Variants in PTPRT observed in about 807,000 individuals in gnomAD.
PTPRT encodes the protein protein tyrosine phosphatase receptor type T, also known as receptor-type tyrosine-protein phosphatase T.
In PTPRT, 56 loss-of-function variants were observed where a neutral mutation model predicts 176.8. The observed-to-expected ratio is 0.32, with a 90% CI of 0.26 to 0.40. PTPRT has a LOEUF of 0.40. Ranked by LOEUF, PTPRT falls within the 10% of genes least tolerant of loss-of-function variation. The pLI, the probability that PTPRT is intolerant of heterozygous loss-of-function variation, is 1.00. For missense variants in PTPRT, 1,540 were observed against 1,908.2 expected, an observed-to-expected ratio of 0.81 and a Z score of 3.60; for synonymous variants, 783 against 739.0, an observed-to-expected ratio of 1.06 and a Z score of -0.96.
At chr20:42,437,420 T>C (rs1422647888) in intron 9 of PTPRT, among the ~76,000 whole-genome samples, 1 of 152,196 alleles carries the variant, frequency 6.6e-6, no homozygotes. Context: ...AAGGTCAATC[T>C]TAAATTTACT....
At chr20:42,267,488 A>G (rs1427444320) in intron 13 of PTPRT, among the ~76,000 whole-genome samples, 1 of 152,206 alleles carries the variant, frequency 6.6e-6, no homozygotes, top group African/African-American at 2.4e-5. Context: ...ACTCTAAGAA[A>G]TTTAAAATTA....
At chr20:42,753,863 A>G (rs73907259) in intron 6 of PTPRT, among the ~76,000 whole-genome samples, 3,847 of 152,304 alleles carry the variant, frequency 0.025, 175 homozygotes, top group African/African-American at 0.086. Context: ...CATATAAGCA[A>G]ATAATAAACC....
chr20:42,150,347 T>C (rs1196325904), intron 17 of PTPRT, among the ~76,000 whole-genome samples: 3 of 152,146 alleles, frequency 2.0e-5, no homozygotes, highest in African/African-American at 2.4e-5. Context: ...CTGGAGATAA[T>C]TGGATATGTT....
intron 16 of PTPRT, among the ~76,000 whole-genome samples, chr20:42,192,260 T>C (rs1433909471): frequency 6.6e-6 from 1 of 152,126 alleles, no homozygotes; most frequent in Non-Finnish European, 1.5e-5. Flanking sequence ...CAGCTGGCCA[T>C]TTTCCTGAAA....
intron 7 of PTPRT, among the ~76,000 whole-genome samples, chr20:42,559,294 G>T (rs914839001): frequency 6.6e-6 from 1 of 151,938 alleles, no homozygotes; most frequent in Non-Finnish European, 1.5e-5. Flanking sequence ...TGTCTTCATC[G>T]TCTTTCTTTT....
intron 1 of PTPRT, among the ~76,000 whole-genome samples, chr20:43,185,317 TC>T (rs1220857739): frequency 3.3e-5 from 5 of 152,130 alleles, no homozygotes; most frequent in African/African-American, 1.2e-4. Context: ...AGTATCTTTT[TC>T]CCCCACAGCC....
intron 1 of PTPRT, among the ~76,000 whole-genome samples, chr20:43,103,359 A>G (rs1380357563): frequency 1.3e-5 from 2 of 152,174 alleles, no homozygotes; most frequent in Non-Finnish European, 2.9e-5. Context: ...TAAGTACAAT[A>G]GGAACCTACA....
intron 6 of PTPRT, among the ~76,000 whole-genome samples, chr20:42,716,472 G>A (rs1303730121): frequency 6.6e-6 from 1 of 152,118 alleles, no homozygotes; most frequent in East Asian, 1.9e-4. Context: ...ATCTCATTGT[G>A]GCTTTGATTT....
intron 7 of PTPRT, among the ~76,000 whole-genome samples, chr20:42,549,352 G>A (rs1051741808): frequency 1.2e-4 from 18 of 152,162 alleles, no homozygotes; most frequent in Non-Finnish European, 8.8e-5. Context: ...ATCCGTGTAC[G>A]TTTAAAATAC....
intron 1 of PTPRT, among the ~76,000 whole-genome samples, chr20:43,018,234 G>T (rs1223648151): frequency 1.3e-5 from 2 of 152,066 alleles, no homozygotes; most frequent in Admixed American, 6.5e-5. Flanking sequence ...AAACCCAGAG[G>T]AATAAGAAAT....
At chr20:42,279,583 G>A (rs1353175787) in intron 13 of PTPRT, among the ~76,000 whole-genome samples, 2 of 152,180 alleles carry the variant, frequency 1.3e-5, no homozygotes, top group African/African-American at 2.4e-5. Context: ...GCAGCCACAG[G>A]AAACTAATAG....
intron 6 of PTPRT, among the ~76,000 whole-genome samples, chr20:42,748,015 C>T (rs2076714987): frequency 6.6e-6 from 1 of 152,184 alleles, no homozygotes; most frequent in Non-Finnish European, 1.5e-5. Context: ...ATGCACTGAT[C>T]AGCAAACTGT....
chr20:43,053,146 C>T (rs901965798), intron 1 of PTPRT, among the ~76,000 whole-genome samples: 7 of 152,178 alleles, frequency 4.6e-5, no homozygotes, highest in Non-Finnish European at 1.0e-4. Context: ...CCCCAAAACA[C>T]GTATGACTTA....
At chr20:42,550,593 C>A (rs2072751557) in intron 7 of PTPRT, among the ~76,000 whole-genome samples, 1 of 152,046 alleles carries the variant, frequency 6.6e-6, no homozygotes. Flanking sequence ...GTATCTCTTG[C>A]CTAGACACAA....
At chr20:42,220,036 G>A (rs1240996746) in intron 15 of PTPRT, among the ~76,000 whole-genome samples, 2 of 128,660 alleles carry the variant, frequency 1.6e-5, no homozygotes, top group Non-Finnish European at 3.5e-5. Flanking sequence ...TTTTAAAAAA[G>A]TTATATATAT....
chr20:42,034,870 A>T, the PTPRT span, among the ~76,000 whole-genome samples: 1 of 152,148 alleles, frequency 6.6e-6, no homozygotes, highest in Non-Finnish European at 1.5e-5. Flanking sequence ...ATGAGGTTCA[A>T]TGTGGGTCTT....
intron 16 of PTPRT, among the ~76,000 whole-genome samples, chr20:42,184,595 C>CTTCTTCTTCTTCTTCTTCCTCT (rs1990684333): frequency 3.4e-5 from 1 of 29,422 alleles, no homozygotes; most frequent in African/African-American, 9.1e-5. Context: ...CTTCTTCTTC[C>CTTCTTCTTCTTCTTCTTCCTCT]TCTTCTTCTT....
intron 6 of PTPRT, among the ~76,000 whole-genome samples, chr20:42,701,582 T>A (rs533549219): frequency 6.6e-6 from 1 of 152,118 alleles, no homozygotes; most frequent in East Asian, 1.9e-4. Context: ...GGGGTTTACA[T>A]TGAGAATTGC....
intron 2 of PTPRT, among the ~76,000 whole-genome samples, chr20:42,819,338 G>A (rs556605352): frequency 6.6e-6 from 1 of 152,132 alleles, no homozygotes; most frequent in African/African-American, 2.4e-5. Context: ...ATCCTTCCCA[G>A]ACAAGCAAAT....
Sources: gnomAD v4.1 joint callset for allele counts (sites outside exome capture counted in the v4.1 genomes callset) on GRCh38, gnomAD v4.1.1 for gene constraint, MANE v1.5 for transcripts, NCBI Gene and HGNC (gene_info 2026-07-23, HGNC 2026-07-21) for gene names.